The following CTIF variants were observed in gnomAD, a reference collection of about 807,000 sequenced individuals.
CTIF encodes the protein cap binding complex dependent translation initiation factor.
In CTIF, 21 loss-of-function variants were observed where a neutral mutation model predicts 66.0. That is an observed-to-expected ratio of 0.32 (90% CI 0.23 to 0.46). The LOEUF is 0.46. Ranked by LOEUF, CTIF falls within the 20% of genes least tolerant of loss-of-function variation. The probability of loss-of-function intolerance (pLI) is 1.00; values close to 1 mark genes in which losing one functional copy is unlikely to be tolerated. For synonymous variants in CTIF, 345 were observed against 326.4 expected (o/e 1.06, Z -0.62); for missense variants, 739 against 812.7 (o/e 0.91, Z 1.10).
At chr18:48,589,562 A>G (rs2089844963) in intron 1 of CTIF, among the ~76,000 whole-genome samples, 1 of 152,164 alleles carries the variant, frequency 6.6e-6, no homozygotes, top group Non-Finnish European at 1.5e-5. Flanking sequence ...GCCTTTTAGG[A>G]GGGAGGACAC....
intron 9 of CTIF, among the ~76,000 whole-genome samples, chr18:48,814,809 C>T (rs76581856): frequency 0.026 from 4,034 of 152,260 alleles, 175 homozygotes; most frequent in African/African-American, 0.092. Flanking sequence ...ATGCTGGGCA[C>T]GCACTACTTG....
intron 3 of CTIF, among the ~76,000 whole-genome samples, chr18:48,637,849 G>A (rs997815335): frequency 1.3e-5 from 2 of 152,060 alleles, no homozygotes; most frequent in South Asian, 2.1e-4. Context: ...TTGTTCTGCC[G>A]CAAACTTGGT....
In CTIF at chr18:48,665,153, A is replaced by T. The variant is rs564088632; in HGVS notation, c.431+602A>T. Among the ~76,000 whole-genome samples, 13 of 151,864 alleles carry T rather than the reference A, an allele frequency of 8.6e-5. No individual in the cohort carries two copies. In the East Asian group the frequency reaches 2.1e-3, roughly 25 times the overall value. ...ATGGTCTCGATCTCCTGACCTCATGATCCACCCGCCTCGGCCTCCCAAAGT... is the reference window on the plus strand; with the variant it reads ...ATGGTCTCGATCTCCTGACCTCATGTTCCACCCGCCTCGGCCTCCCAAAGT... On this transcript the variant is annotated intron_variant, in intron 5 of 11. Coordinates refer to ENST00000256413, the MANE Select transcript of CTIF (RefSeq NM_014772.3).
chr18:48,572,251 A>G (rs545091371), intron 1 of CTIF, among the ~76,000 whole-genome samples: 3 of 152,144 alleles, frequency 2.0e-5, no homozygotes, highest in Non-Finnish European at 4.4e-5. Context: ...CTCAAAATCA[A>G]TTTATTATAA....
intron 6 of CTIF, among the ~76,000 whole-genome samples, chr18:48,705,004 G>A (rs74724820): frequency 0.022 from 3,326 of 152,276 alleles, 39 homozygotes; most frequent in Middle Eastern, 0.068. Context: ...TGACCACCTC[G>A]GCTGGCAGGC....
At chr18:48,676,743 C>T (rs894084116) in intron 6 of CTIF, among the ~76,000 whole-genome samples, 4 of 151,986 alleles carry the variant, frequency 2.6e-5, no homozygotes, top group South Asian at 4.2e-4. Flanking sequence ...AGCCTTCACA[C>T]GGGAGATGGC....
At chr18:48,809,545 AT>A (rs2068218952) in intron 9 of CTIF, among the ~76,000 whole-genome samples, 1 of 152,120 alleles carries the variant, frequency 6.6e-6, no homozygotes, top group Admixed American at 6.5e-5. Flanking sequence ...GTAACTTACT[AT>A]CATGAGATTT....
chr18:48,710,093 A>G (rs188036093), intron 6 of CTIF, among the ~76,000 whole-genome samples: 2 of 152,292 alleles, frequency 1.3e-5, no homozygotes, highest in East Asian at 3.9e-4. Context: ...AGTTTCCCCC[A>G]TGAGCTTGGG....
intron 10 of CTIF, among the ~76,000 whole-genome samples, chr18:48,845,712 A>C (rs1226845484): frequency 1.3e-5 from 2 of 152,162 alleles, no homozygotes; most frequent in African/African-American, 2.4e-5. Context: ...CCCTGGACTC[A>C]GTATTTCTAA....
At chr18:48,644,634 A>G (rs890928133) in intron 3 of CTIF, among the ~76,000 whole-genome samples, 2 of 152,228 alleles carry the variant, frequency 1.3e-5, no homozygotes, top group African/African-American at 4.8e-5. Context: ...ATCAGCAGCC[A>G]TGCATTGGGT....
At chr18:48,639,294 C>T (rs554747136) in intron 3 of CTIF, among the ~76,000 whole-genome samples, 1 of 152,172 alleles carries the variant, frequency 6.6e-6, no homozygotes, top group Non-Finnish European at 1.5e-5. Context: ...GTTTGTCAAC[C>T]AGGAGTGTTT....
intron 1 of CTIF, among the ~76,000 whole-genome samples, chr18:48,611,921 G>T (rs1255755240): frequency 6.6e-6 from 1 of 152,220 alleles, no homozygotes; most frequent in Non-Finnish European, 1.5e-5. Context: ...CCTGTTGGAT[G>T]TTTGAGTGAC....
At position 48,632,852 on chromosome 18, in the gene CTIF, C is replaced by G. The variant is rs577580155; in HGVS notation, c.181-3762C>G. On this transcript the variant is annotated intron_variant, in intron 2 of 11. Coordinates refer to ENST00000256413, the MANE Select transcript of CTIF (RefSeq NM_014772.3). ...ATCTGACCTCTCCTGTGTGGGGACA[C>G]TCTTTGTTGAGGGCCCCACACAGAA... 4.4e-4 allele frequency among the ~76,000 whole-genome samples: 67 copies of G among 152,166 alleles called. 1 individual carries two copies. The highest frequency in any genetic ancestry group is 1.3e-3 in the Admixed American group (20 of 15,288).
At position 48,841,794 on chromosome 18, in the gene CTIF, G is replaced by A. The variant is rs148181259; in HGVS notation, c.1528-15794G>A. ...CCGCACCTGGCTGATAAGGCCAGGC[G>A]GCTATCAGTGGCCATCTCGGGTGGG... is the stretch of plus-strand genomic sequence containing the variant. On this transcript the variant is annotated intron_variant, in intron 10 of 11. Coordinates refer to ENST00000256413, the MANE Select transcript of CTIF (RefSeq NM_014772.3). 1.2e-3 allele frequency among the ~76,000 whole-genome samples: 179 copies of A among 152,300 alleles called. 2 individuals are homozygous for A. In the East Asian group the frequency reaches 0.031, roughly 26 times the overall value.
chr18:48,794,765 C>T (rs1374896627), intron 9 of CTIF, among the ~76,000 whole-genome samples: 1 of 152,136 alleles, frequency 6.6e-6, no homozygotes, highest in East Asian at 1.9e-4. Flanking sequence ...TGGAGGTTTT[C>T]CTGATTGTTC....
At chr18:48,731,031 G>A (rs909997714) in intron 7 of CTIF, among the ~76,000 whole-genome samples, 4 of 152,158 alleles carry the variant, frequency 2.6e-5, no homozygotes, top group African/African-American at 9.7e-5. Flanking sequence ...ATTTGGAAGG[G>A]TCTGGGGGCC....
At chr18:48,696,519 C>G (rs886384972) in intron 6 of CTIF, among the ~76,000 whole-genome samples, 1 of 152,194 alleles carries the variant, frequency 6.6e-6, no homozygotes, top group Non-Finnish European at 1.5e-5. Flanking sequence ...CGACACCGCT[C>G]TTAGTCTGTC....
chr18:48,816,705 C>G (rs1038461418), intron 9 of CTIF, among the ~76,000 whole-genome samples: 1 of 152,212 alleles, frequency 6.6e-6, no homozygotes, highest in Non-Finnish European at 1.5e-5. Context: ...CCTCGAGGGA[C>G]GGGCTGTAGC....
chr18:48,727,827 C>T (rs1361193232), intron 7 of CTIF, among the ~76,000 whole-genome samples: 1 of 152,222 alleles, frequency 6.6e-6, no homozygotes, highest in East Asian at 1.9e-4. Flanking sequence ...CCCTCCACCT[C>T]ATCTTTGGAC....
Sources: gnomAD v4.1 joint callset for allele counts (sites outside exome capture counted in the v4.1 genomes callset) on GRCh38, gnomAD v4.1.1 for gene constraint, MANE v1.5 for transcripts, NCBI Gene and HGNC (gene_info 2026-07-23, HGNC 2026-07-21) for gene names.